Variants in NSMCE2 observed in about 807,000 individuals in gnomAD.
NSMCE2 encodes NSE2 SUMO ligase component of SMC5/6 complex.
NSMCE2 carries 24 observed loss-of-function variants against 23.8 expected under a neutral mutation model. The observed-to-expected ratio is 1.01, with a 90% CI of 0.73 to 1.42. The LOEUF (loss-of-function observed/expected upper bound fraction) is 1.42. Among genes scored for constraint, NSMCE2 ranks in the 40% most tolerant of loss-of-function variants. NSMCE2 has a pLI of 0.00. For missense variants in NSMCE2, 284 were observed against 296.5 expected (o/e 0.96, Z 0.31); for synonymous variants, 92 against 94.1 (o/e 0.98, Z 0.13).
chr8:125,133,166 G>C (rs753726171), intron 3 of NSMCE2, among the ~76,000 whole-genome samples: 1 of 152,102 alleles, frequency 6.6e-6, no homozygotes, highest in South Asian at 2.1e-4. Flanking sequence ...ATCCACTAGA[G>C]GATGATAATT....
intron 3 of NSMCE2, among the ~76,000 whole-genome samples, chr8:125,150,457 G>T (rs1820945380): frequency 3.1e-5 from 2 of 64,270 alleles, no homozygotes; most frequent in African/African-American, 5.8e-5. Context: ...TTTTTGAGAT[G>T]GAGTCTCACT....
chr8:125,308,263 C>A (rs1484456185), intron 5 of NSMCE2, among the ~76,000 whole-genome samples: 2 of 152,182 alleles, frequency 1.3e-5, no homozygotes, highest in Non-Finnish European at 2.9e-5. Flanking sequence ...GAGTCTCAGG[C>A]CTTTGCTCTT....
intron 5 of NSMCE2, among the ~76,000 whole-genome samples, chr8:125,183,364 G>A (rs1822923416): frequency 6.6e-6 from 1 of 151,992 alleles, no homozygotes; most frequent in Non-Finnish European, 1.5e-5. Context: ...TTTTACTGTA[G>A]ACTTAACCAG....
chr8:125,366,323 G>A (rs534912301), intron 7 of NSMCE2, among the ~76,000 whole-genome samples: 7 of 152,148 alleles, frequency 4.6e-5, no homozygotes, highest in Non-Finnish European at 7.4e-5. Flanking sequence ...GGCGGATCAC[G>A]AGGTCAGGAG....
chr8:125,327,109 A>T (rs1277451036), intron 5 of NSMCE2, among the ~76,000 whole-genome samples: 1 of 149,552 alleles, frequency 6.7e-6, no homozygotes, highest in Non-Finnish European at 1.5e-5. Flanking sequence ...CTAAAACTAT[A>T]AAAAAAAATT....
intron 5 of NSMCE2, among the ~76,000 whole-genome samples, chr8:125,219,268 T>G (rs1416922821): frequency 6.6e-6 from 1 of 152,206 alleles, no homozygotes; most frequent in Non-Finnish European, 1.5e-5. Context: ...GATGAGCATT[T>G]CTACTTAATT....
intron 5 of NSMCE2, among the ~76,000 whole-genome samples, chr8:125,210,095 C>G (rs1005798880): frequency 4.6e-5 from 7 of 152,212 alleles, no homozygotes; most frequent in Admixed American, 1.3e-4. Flanking sequence ...CAGCCCCTTA[C>G]TAGCTCTGTA....
intron 4 of NSMCE2, among the ~76,000 whole-genome samples, chr8:125,160,810 C>CT (rs1821574536): frequency 6.6e-6 from 1 of 152,194 alleles, no homozygotes; most frequent in African/African-American, 2.4e-5. Flanking sequence ...ATGTATTTCT[C>CT]TCTGTGTACG....
intron 3 of NSMCE2, chr8:125,124,142 T>C (rs966598264): frequency 2.0e-5 from 3 of 152,190 alleles, no homozygotes; most frequent in Non-Finnish European, 4.4e-5. Context: ...AATGGAGTAA[T>C]GTAATATGTG....
intron 5 of NSMCE2, among the ~76,000 whole-genome samples, chr8:125,295,651 C>G (rs534843588): frequency 6.6e-6 from 1 of 152,268 alleles, no homozygotes; most frequent in African/African-American, 2.4e-5. Context: ...AATACATCAT[C>G]CCATGTTCTG....
rs748589932 is a variant in NSMCE2 at position 125,298,613 on chromosome 8, T to C, written c.419-58606T>C. 3.0e-4 allele frequency among the ~76,000 whole-genome samples: 46 copies of C among 152,066 alleles called. 1 individual carries two copies. Among genetic ancestry groups the C allele is most frequent in the Admixed American group, 4.6e-4 (7 of 15,254 alleles). ...TCTGTAAAAACAGGCAGAGTTGTTA[T>C]AGTAATTAAATGGAATACCATTGAA... On this transcript the variant is annotated intron_variant, in intron 5 of 7. Transcript: ENST00000287437.
At chr8:125,129,572 G>GTGTGTC (rs1554605730) in intron 3 of NSMCE2, among the ~76,000 whole-genome samples, 6 of 151,752 alleles carry the variant, frequency 4.0e-5, no homozygotes, top group African/African-American at 1.5e-4. Context: ...GTGTGTGTGT[G>GTGTGTC]TGTGTGTCTG....
At chr8:125,330,097 T>G (rs988650113) in intron 5 of NSMCE2, among the ~76,000 whole-genome samples, 1 of 151,982 alleles carries the variant, frequency 6.6e-6, no homozygotes, top group Non-Finnish European at 1.5e-5. Context: ...CTTTACAGAT[T>G]CGGGGCACGT....
intron 5 of NSMCE2, among the ~76,000 whole-genome samples, chr8:125,356,065 T>C (rs1813261409): frequency 6.6e-6 from 1 of 152,196 alleles, no homozygotes; most frequent in African/African-American, 2.4e-5. Context: ...TTCACTCTCA[T>C]TCTTTTCATG....
intron 5 of NSMCE2, 172 bp downstream of exon 5, chr8:125,182,428 A>G (rs1184081444): frequency 1.5e-6 from 1 of 648,280 alleles, no homozygotes; most frequent in Non-Finnish European, 2.7e-6. Flanking sequence ...TTTTTGGTTC[A>G]AATCAGCCTG....
At chr8:125,268,202 C>G (rs987930947) in intron 5 of NSMCE2, among the ~76,000 whole-genome samples, 11 of 151,820 alleles carry the variant, frequency 7.2e-5, no homozygotes, top group Non-Finnish European at 1.3e-4. Flanking sequence ...CCACTGCACT[C>G]CAGCCTGGGC....
rs528633812 is a variant in NSMCE2, at chr8:125,310,453, T to A, written c.419-46766T>A. On this transcript the variant is annotated intron_variant, in intron 5 of 7. Coordinates refer to ENST00000287437, the MANE Select transcript of NSMCE2 (RefSeq NM_173685.4). ...TGATGAGTGCCCAATCAATTGTAGC[T>A]ATTGCAATTATGTAAAAGAGAAATG... 9.8e-5 allele frequency among the ~76,000 whole-genome samples: 15 copies of A among 152,350 alleles called. No homozygotes were observed. In the South Asian group the frequency reaches 3.1e-3, roughly 32 times the overall value.
chr8:125,255,490 G>T (rs1373343159), intron 5 of NSMCE2, among the ~76,000 whole-genome samples: 1 of 152,044 alleles, frequency 6.6e-6, no homozygotes, highest in African/African-American at 2.4e-5. Flanking sequence ...CTGAATCTCA[G>T]GTTAACCAGG....
chr8:125,263,581 C>T (rs553132210), intron 5 of NSMCE2, among the ~76,000 whole-genome samples: 1 of 152,008 alleles, frequency 6.6e-6, no homozygotes, highest in Non-Finnish European at 1.5e-5. Flanking sequence ...GAAACCCTGT[C>T]TCTACTAAAA....
Sources: allele counts gnomAD v4.1 joint callset (sites outside exome capture counted in the v4.1 genomes callset), GRCh38; gene constraint gnomAD v4.1.1; transcripts MANE v1.5; gene names NCBI Gene and HGNC (gene_info 2026-07-23, HGNC 2026-07-21).